Variants in TENM4 observed in about 807,000 individuals in gnomAD.
TENM4 encodes the protein teneurin-4.
In TENM4, 82 loss-of-function variants were observed where a neutral mutation model predicts 243.3. The observed-to-expected ratio is 0.34, with a 90% CI of 0.28 to 0.40. TENM4 has a LOEUF of 0.40. Ranked by LOEUF, TENM4 falls within the 10% of genes least tolerant of loss-of-function variation. The pLI is 1.00. For missense variants in TENM4, 3,138 were observed against 3,673.3 expected (o/e 0.85, Z 3.77); for synonymous variants, 1,412 against 1,456.3 (o/e 0.97, Z 0.69).
At chr11:79,247,907 G>C (rs765649079) in intron 2 of TENM4, among the ~76,000 whole-genome samples, 10 of 152,206 alleles carry the variant, frequency 6.6e-5, no homozygotes, top group Non-Finnish European at 1.5e-4. Context: ...AGAAACCGGG[G>C]GAAACTGAGG....
intron 6 of TENM4, among the ~76,000 whole-genome samples, chr11:78,987,744 T>G (rs528712297): frequency 3.3e-5 from 5 of 152,350 alleles, no homozygotes; most frequent in African/African-American, 1.2e-4. Context: ...ATAGCCACTT[T>G]CTATCTTGTA....
At chr11:78,960,502 T>A (rs571462864) in intron 6 of TENM4, among the ~76,000 whole-genome samples, 21 of 152,140 alleles carry the variant, frequency 1.4e-4, no homozygotes, top group African/African-American at 4.6e-4. Context: ...TCCATACCCT[T>A]CCAAGGTTCA....
chr11:79,044,169 A>G (rs1411333910), intron 6 of TENM4, among the ~76,000 whole-genome samples: 1 of 152,236 alleles, frequency 6.6e-6, no homozygotes, highest in East Asian at 1.9e-4. Context: ...AAAATATTCA[A>G]TAATTATCCT....
intron 4 of TENM4, among the ~76,000 whole-genome samples, chr11:79,108,276 G>A (rs565577676): frequency 3.9e-5 from 6 of 152,140 alleles, no homozygotes; most frequent in Non-Finnish European, 5.9e-5. Flanking sequence ...TTGATAATAC[G>A]AGTGGCCTCA....
At chr11:79,299,124 A>C (rs1472538244) in intron 1 of TENM4, among the ~76,000 whole-genome samples, 1 of 152,088 alleles carries the variant, frequency 6.6e-6, no homozygotes, top group Non-Finnish European at 1.5e-5. Flanking sequence ...AATTTATTAA[A>C]ATAAATTAGT....
intron 1 of TENM4, among the ~76,000 whole-genome samples, chr11:79,346,442 A>G (rs1329485311): frequency 6.6e-6 from 1 of 152,208 alleles, no homozygotes; most frequent in Non-Finnish European, 1.5e-5. Flanking sequence ...CAGCTGCAGC[A>G]GCGGTAGCCT....
chr11:78,757,063 A>G, intron 18 of TENM4, 42 bp from the exon 19 acceptor site: 1 of 1,566,686 alleles, frequency 6.4e-7, no homozygotes, highest in Non-Finnish European at 8.7e-7. Context: ...TGCTATGTTC[A>G]ATCAGCCATG....
intron 6 of TENM4, among the ~76,000 whole-genome samples, chr11:78,943,851 A>G (rs1165584175): frequency 1.3e-5 from 2 of 152,212 alleles, no homozygotes; most frequent in Non-Finnish European, 2.9e-5. Flanking sequence ...TAAAGATTCT[A>G]TTTACCATGT....
chr11:79,134,753 C>T (rs529739165), intron 4 of TENM4, among the ~76,000 whole-genome samples: 33 of 152,196 alleles, frequency 2.2e-4, no homozygotes, highest in Admixed American at 4.6e-4. Flanking sequence ...GAAAGGACAA[C>T]CTATTCAACA....
chr11:78,955,454 T>A lies in TENM4; in HGVS notation c.494-51931A>T, dbSNP rs375826803. On this transcript the variant is annotated intron_variant, in intron 6 of 33. Coordinates refer to ENST00000278550, the MANE Select transcript of TENM4 (RefSeq NM_001098816.3). ...GATCCATGGAGCAGACCATGACCAT[T>A]TCAACAGGGTCACAAACTAGGCTTA... Among the ~76,000 whole-genome samples the A allele has an allele frequency of 2.0e-5, 3 of 152,286 alleles. No individual in the cohort carries two copies. The East Asian group carries it at 5.8e-4, about 29-fold the overall frequency.
At chr11:78,879,426 G>A (rs1457297817) in intron 9 of TENM4, among the ~76,000 whole-genome samples, 32 of 150,118 alleles carry the variant, frequency 2.1e-4, no homozygotes, top group Non-Finnish European at 4.2e-4. Flanking sequence ...CTGCCCGGCC[G>A]CCCCGTCTGG....
chr11:79,382,044 A>G (rs1210880986), intron 1 of TENM4, among the ~76,000 whole-genome samples: 1 of 152,246 alleles, frequency 6.6e-6, no homozygotes, highest in Non-Finnish European at 1.5e-5. Context: ...ATATGGTGGT[A>G]GAATATTTTT....
chr11:79,159,650 G>C (rs1190770801), intron 3 of TENM4, among the ~76,000 whole-genome samples: 1 of 152,098 alleles, frequency 6.6e-6, no homozygotes, highest in East Asian at 1.9e-4. Flanking sequence ...CCCAGATGTT[G>C]AGCCTCTAGG....
chr11:78,920,996 G>T (rs753289809), intron 6 of TENM4, among the ~76,000 whole-genome samples: 1 of 152,166 alleles, frequency 6.6e-6, no homozygotes, highest in Non-Finnish European at 1.5e-5. Flanking sequence ...GAAGTTTAAC[G>T]CTATCAACTT....
At position 79,064,885 on chromosome 11, in the gene TENM4, C is replaced by T. The variant is rs928920799; in HGVS notation, c.346G>A (p.Asp116Asn). 22 of 1,549,984 alleles carry T rather than the reference C, an allele frequency of 1.4e-5. No homozygotes were observed. The highest frequency in any genetic ancestry group is 8.2e-5 in the African/African-American group (6 of 73,036). Residue 116 changes from aspartate to asparagine, a missense_variant, in exon 6 of 34, where the codon GAC (aspartate) becomes AAC (asparagine). Asp to Asn is a conservative substitution (Grantham distance 23). This residue lies in a region of TENM4 where 671 missense variants were observed against 614.1 expected (regional missense o/e 1.09). Transcript: ENST00000278550. ...GACAGCACCGTGTCAGCCTCCATGT[C>T]GGCATCAGAGCCAGCCCCCATGGAG... is the stretch of plus-strand genomic sequence containing the variant. ...GYSMGAGSDA[D>N]MEADTVLSPE...
At chr11:78,855,906 G>C in intron 11 of TENM4, 58 bp downstream of exon 11, 2 of 1,505,592 alleles carry the variant, frequency 1.3e-6, no homozygotes, top group Non-Finnish European at 1.8e-6. Context: ...TTAACTTTGG[G>C]TTAAGATTTG....
At chr11:78,913,624 T>A (rs1221912741) in intron 6 of TENM4, among the ~76,000 whole-genome samples, 1 of 131,496 alleles carries the variant, frequency 7.6e-6, no homozygotes, top group Non-Finnish European at 1.7e-5. Flanking sequence ...TGTGTGTGTG[T>A]GTGTGAGTGT....
intron 9 of TENM4, among the ~76,000 whole-genome samples, chr11:78,876,871 C>T (rs1859280495): frequency 6.6e-6 from 1 of 152,214 alleles, no homozygotes; most frequent in African/African-American, 2.4e-5. Context: ...TGGCTCTTGG[C>T]TGCTAAACCT....
chr11:78,799,004 G>A (rs1333650083), intron 15 of TENM4, among the ~76,000 whole-genome samples: 2 of 152,172 alleles, frequency 1.3e-5, no homozygotes, highest in Non-Finnish European at 2.9e-5. Context: ...AACAGTGAAT[G>A]CCCAGCACAC....
Sources: allele counts gnomAD v4.1 joint callset (sites outside exome capture counted in the v4.1 genomes callset), GRCh38; gene constraint gnomAD v4.1.1; regional missense constraint gnomAD v4.1.1; transcripts MANE v1.5; gene names NCBI Gene and HGNC (gene_info 2026-07-23, HGNC 2026-07-21).